The following RHOF variants were observed in gnomAD, a reference collection of about 807,000 sequenced individuals.
RHOF encodes the protein ras homolog family member F, filopodia associated.
Under a neutral mutation model 22.2 loss-of-function variants are expected in RHOF, and 21 were observed. The observed-to-expected ratio is 0.95, with a 90% CI of 0.67 to 1.36. The LOEUF (loss-of-function observed/expected upper bound fraction) is 1.36, where lower values mean the gene tolerates loss of function less well. RHOF is among the 40% of genes most tolerant of loss of function. The pLI is 0.00. For synonymous variants in RHOF, 135 were observed against 131.2 expected (o/e 1.03, Z -0.20); for missense variants, 285 against 293.7 (o/e 0.97, Z 0.22).
intron 2 of RHOF, among the ~76,000 whole-genome samples, chr12:121,785,592 A>C (rs1874586899): frequency 6.8e-6 from 1 of 147,920 alleles, no homozygotes; most frequent in Admixed American, 6.7e-5. Flanking sequence ...ATGCCTGGCT[A>C]ATTTTTTTTG....
At chr12:121,788,807 TG>T in intron 2 of RHOF, among the ~76,000 whole-genome samples, 1 of 149,452 alleles carries the variant, frequency 6.7e-6, no homozygotes, top group Middle Eastern at 3.4e-3. Context: ...AGGGGTGGAG[TG>T]GGGGGCAGTG....
Position 121,781,207 on chromosome 12 carries a change from C to T in RHOF, c.227-15G>A, listed in dbSNP as rs1566531555. On this transcript the variant is annotated splice_polypyrimidine_tract_variant and intron_variant, in intron 2 of 4. Coordinates refer to ENST00000267205, the MANE Select transcript of RHOF (RefSeq NM_019034.3). ...GTCTTCTTGCCCTGAAAGCACAGAGCAGCGGGGGTCAGGGGACGTCCCCTC... is the reference window on the plus strand; with the variant it reads ...GTCTTCTTGCCCTGAAAGCACAGAGTAGCGGGGGTCAGGGGACGTCCCCTC... 6.2e-7 allele frequency: 1 copy of T among 1,611,346 alleles called. No individual in the cohort carries two copies. The highest frequency in any genetic ancestry group is 8.5e-7 in the Non-Finnish European group (1 of 1,177,556).
chr12:121,782,098 T>C (rs1034351087), intron 2 of RHOF: 4 of 152,204 alleles, frequency 2.6e-5, no homozygotes, highest in African/African-American at 9.7e-5. Flanking sequence ...CACCACCTGT[T>C]TGCATTGGCC....
intron 1 of RHOF, 101 bp downstream of exon 1, chr12:121,793,395 C>A: frequency 1.3e-6 from 2 of 1,485,232 alleles, no homozygotes; most frequent in East Asian, 4.9e-5. Context: ...GGGTGGCGGC[C>A]GCCTGTCCGT....
Sources: gnomAD v4.1 joint callset for allele counts (sites outside exome capture counted in the v4.1 genomes callset) on GRCh38, gnomAD v4.1.1 for gene constraint, MANE v1.5 for transcripts, NCBI Gene and HGNC (gene_info 2026-07-23, HGNC 2026-07-21) for gene names.